The following SLC9C1 variants were observed in gnomAD, a reference collection of about 807,000 sequenced individuals.
SLC9C1 encodes solute carrier family 9 member C1.
Under a neutral mutation model 140.9 loss-of-function variants are expected in SLC9C1, and 97 were observed. That is an observed-to-expected ratio of 0.69 (90% CI 0.58 to 0.82). The LOEUF is 0.82. Ranked by LOEUF, SLC9C1 falls within the 40% of genes least tolerant of loss-of-function variation. The pLI is 0.00. For missense variants in SLC9C1, 1,340 were observed against 1,389.3 expected, an observed-to-expected ratio of 0.96 and a Z score of 0.56; for synonymous variants, 440 against 442.6, an observed-to-expected ratio of 0.99 and a Z score of 0.07.
intron 14 of SLC9C1, among the ~76,000 whole-genome samples, chr3:112,217,913 T>G (rs1488997062): frequency 6.6e-6 from 1 of 152,202 alleles, no homozygotes; most frequent in African/African-American, 2.4e-5. Context: ...ACAAATTACC[T>G]CATTAACTTG....
chr3:112,144,876 A>T (rs1400910348), intron 28 of SLC9C1, among the ~76,000 whole-genome samples: 1 of 152,194 alleles, frequency 6.6e-6, no homozygotes, highest in South Asian at 2.1e-4. Context: ...ATATAAAATC[A>T]TATTGTCTGT....
chr3:112,276,942 C>T (rs901893741), intron 5 of SLC9C1, among the ~76,000 whole-genome samples: 7 of 152,072 alleles, frequency 4.6e-5, no homozygotes, highest in African/African-American at 1.7e-4. Flanking sequence ...CTACCTGCCT[C>T]AGATAGCTAT....
intron 10 of SLC9C1, among the ~76,000 whole-genome samples, chr3:112,257,437 G>C (rs575169218): frequency 1.4e-4 from 21 of 152,158 alleles, no homozygotes; most frequent in African/African-American, 4.8e-4. Context: ...CTGTCAAAAA[G>C]AAGCAATAGG....
At chr3:112,258,581 G>A (rs894533827) in intron 10 of SLC9C1, among the ~76,000 whole-genome samples, 13 of 151,748 alleles carry the variant, frequency 8.6e-5, no homozygotes, top group Non-Finnish European at 5.9e-5. Context: ...CTACAGGTGC[G>A]CACCACCACA....
chr3:112,229,112 A>T (rs2108160229), intron 13 of SLC9C1, among the ~76,000 whole-genome samples: 1 of 152,220 alleles, frequency 6.6e-6, no homozygotes, highest in Non-Finnish European at 1.5e-5. Flanking sequence ...CATATATGGA[A>T]GCTATAAAAG....
chr3:112,244,597 A>T (rs552986968), intron 10 of SLC9C1, among the ~76,000 whole-genome samples: 1 of 152,334 alleles, frequency 6.6e-6, no homozygotes, highest in African/African-American at 2.4e-5. Context: ...GTCAGGAAGA[A>T]GGAGTAATAA....
chr3:112,252,118 G>A (rs2079476799), intron 10 of SLC9C1, among the ~76,000 whole-genome samples: 2 of 151,828 alleles, frequency 1.3e-5, no homozygotes, highest in Non-Finnish European at 2.9e-5. Context: ...TCCCTGGGAT[G>A]GAGGTCCCTG....
intron 1 of SLC9C1, among the ~76,000 whole-genome samples, chr3:112,291,540 G>A (rs13081090): frequency 0.27 from 41,709 of 151,998 alleles, 6,086 homozygotes; most frequent in East Asian, 0.4. Flanking sequence ...GATCATTAGA[G>A]AAATGCAAAT....
At chr3:112,149,320 GC>G (rs757742133) in intron 28 of SLC9C1, among the ~76,000 whole-genome samples, 5 of 151,540 alleles carry the variant, frequency 3.3e-5, no homozygotes, top group Non-Finnish European at 5.9e-5. Context: ...TACTCTGAAT[GC>G]CGGTGATCTG....
At chr3:112,157,197 A>G (rs1274804614) in intron 26 of SLC9C1, among the ~76,000 whole-genome samples, 1 of 151,912 alleles carries the variant, frequency 6.6e-6, no homozygotes, top group Non-Finnish European at 1.5e-5. Flanking sequence ...TTTTTTCTAT[A>G]TGGTAATAGA....
At chr3:112,168,367 A>AC (rs200097066) in intron 25 of SLC9C1, among the ~76,000 whole-genome samples, 5,804 of 53,048 alleles carry the variant, frequency 0.11, 172 homozygotes, top group South Asian at 0.15. Context: ...ACACACACAC[A>AC]ACTTCTTTCC....
chr3:112,188,770 C>T (rs2077589562), intron 20 of SLC9C1, among the ~76,000 whole-genome samples: 1 of 152,166 alleles, frequency 6.6e-6, no homozygotes, highest in African/African-American at 2.4e-5. Context: ...ATGGCTGGGT[C>T]AAATGATATT....
At chr3:112,210,575 C>G (rs2078174638) in intron 15 of SLC9C1, among the ~76,000 whole-genome samples, 1 of 152,194 alleles carries the variant, frequency 6.6e-6, no homozygotes, top group Non-Finnish European at 1.5e-5. Flanking sequence ...AATGAATACC[C>G]AGTTTATTTT....
intron 26 of SLC9C1, among the ~76,000 whole-genome samples, chr3:112,164,818 T>G (rs1359813705): frequency 2.0e-5 from 3 of 152,138 alleles, no homozygotes; most frequent in Non-Finnish European, 4.4e-5. Flanking sequence ...GAATGTTGGC[T>G]GCCCTGCTAG....
Position 112,154,981 on chromosome 3 carries a change from G to C in SLC9C1, c.3417+16C>G. ...TACCCAAAATACAACTTTTAGAAAG[G>C]CTGCTTTAAATTTACCTCCTTAACA... On this transcript the variant is annotated intron_variant, in intron 27 of 28. Coordinates refer to ENST00000305815, the MANE Select transcript of SLC9C1 (RefSeq NM_183061.3). 1.9e-6 allele frequency: 3 copies of C among 1,606,744 alleles called. No individual in the cohort carries two copies. The highest frequency in any genetic ancestry group is 3.4e-4 in the Middle Eastern group (2 of 5,836).
intron 2 of SLC9C1, among the ~76,000 whole-genome samples, chr3:112,282,335 G>T (rs1231010633): frequency 1.3e-5 from 2 of 151,950 alleles, no homozygotes; most frequent in Non-Finnish European, 2.9e-5. Flanking sequence ...TGAGAACAAA[G>T]GTAATGGCAA....
chr3:112,252,824 A>G (rs2079500417), intron 10 of SLC9C1, among the ~76,000 whole-genome samples: 1 of 151,800 alleles, frequency 6.6e-6, no homozygotes. Context: ...AAGTGGGTCC[A>G]TGATCCCATT....
intron 7 of SLC9C1, among the ~76,000 whole-genome samples, chr3:112,266,790 G>A (rs540145354): frequency 6.6e-6 from 1 of 152,222 alleles, no homozygotes; most frequent in Non-Finnish European, 1.5e-5. Context: ...ATATTAAATT[G>A]TCATTCATAC....
chr3:112,170,379 G>A (rs2077223769), intron 23 of SLC9C1, among the ~76,000 whole-genome samples: 1 of 152,132 alleles, frequency 6.6e-6, no homozygotes, highest in Admixed American at 6.5e-5. Flanking sequence ...GATGATTAAT[G>A]ATTTTGAACA....
Sources: gnomAD v4.1 joint callset for allele counts (sites outside exome capture counted in the v4.1 genomes callset) on GRCh38, gnomAD v4.1.1 for gene constraint, MANE v1.5 for transcripts, NCBI Gene and HGNC (gene_info 2026-07-23, HGNC 2026-07-21) for gene names.